The following PLXND1 variants were observed in gnomAD, a reference collection of about 807,000 sequenced individuals.
PLXND1 encodes plexin D1.
PLXND1 carries 54 observed loss-of-function variants against 197.7 expected under a neutral mutation model. The ratio of observed to expected loss-of-function variants is 0.27; its 90% CI spans 0.22 to 0.34. PLXND1 has a LOEUF of 0.34. Among genes scored for constraint, PLXND1 ranks in the 10% least tolerant of loss-of-function variants. The pLI is 1.00. For missense variants in PLXND1, 2,127 were observed against 2,699.2 expected (o/e 0.79, Z 4.70); for synonymous variants, 1,180 against 1,161.2 (o/e 1.02, Z -0.33).
At chr3:129,596,527 G>T (rs935276702) in intron 1 of PLXND1, among the ~76,000 whole-genome samples, 1 of 152,112 alleles carries the variant, frequency 6.6e-6, no homozygotes, top group African/African-American at 2.4e-5. Flanking sequence ...GCTCTTCCCT[G>T]GCCCAGGGAA....
At chr3:129,583,227 A>T (rs1298754104) in intron 8 of PLXND1, among the ~76,000 whole-genome samples, 2 of 152,194 alleles carry the variant, frequency 1.3e-5, no homozygotes, top group Non-Finnish European at 2.9e-5. Context: ...GTGGGGGTAT[A>T]AACTGGCTCA....
chr3:129,576,622 T>G lies in PLXND1; in HGVS notation c.2347-767A>C, dbSNP rs555596826. On this transcript the variant is annotated intron_variant, in intron 9 of 35. Coordinates refer to ENST00000324093, the MANE Select transcript of PLXND1 (RefSeq NM_015103.3). ...ACCCCCAAGGGCAGCAGAAAGCAGC[T>G]GGAAGAGCCCTGGCCTGGGTTCAAA... Among the ~76,000 whole-genome samples the G allele has an allele frequency of 1.6e-4, 24 of 152,270 alleles. No homozygotes were observed. In the South Asian group the frequency reaches 5.0e-3, roughly 32 times the overall value.
intron 9 of PLXND1, among the ~76,000 whole-genome samples, chr3:129,576,780 C>A (rs2085319889): frequency 6.6e-6 from 1 of 152,184 alleles, no homozygotes; most frequent in African/African-American, 2.4e-5. Flanking sequence ...AGGGGCCGCA[C>A]ACGGTAGGGG....
In PLXND1 at chr3:129,606,124, G is replaced by T; in HGVS notation, c.516C>A (p.Pro172=). 1 of 1,510,172 alleles carries T rather than the reference G, an allele frequency of 6.6e-7. No homozygotes were observed. Among genetic ancestry groups the T allele is most frequent in the Non-Finnish European group, 8.8e-7 (1 of 1,136,672 alleles). The allele number at this position is 1,510,172 out of a possible 1,614,324, so 93.5% of individuals were successfully genotyped here. A position where few individuals can be genotyped will look rare whatever the true frequency, so the allele number is the denominator to read the frequency against. The stretch of plus-strand genomic sequence containing the variant: ...TCAGCATGCTGGGGAACACCGTGAC[G>T]GGCTCGGCGGGCGGCGCGGCGGGCG... ...RFPPAAPPAE[P]VTVFPSMLNV... The change falls in exon 1 of 36, where the codon CCC becomes CCA. Residue 172 remains proline, a synonymous_variant. Coordinates refer to ENST00000324093, the MANE Select transcript of PLXND1 (RefSeq NM_015103.3).
At chr3:129,562,597 T>C in intron 27 of PLXND1, 190 bp downstream of exon 27, 1 of 510,326 alleles carries the variant, frequency 2.0e-6, no homozygotes, top group Non-Finnish European at 3.4e-6. Context: ...CTGTTGTCCG[T>C]AGTTCACTCA....
intron 1 of PLXND1, among the ~76,000 whole-genome samples, chr3:129,593,737 C>A (rs73204267): frequency 6.6e-6 from 1 of 152,356 alleles, no homozygotes; most frequent in Non-Finnish European, 1.5e-5. Flanking sequence ...GCCTACTCTG[C>A]GTGTGGCAAC....
At chr3:129,565,265 A>G in intron 25 of PLXND1, 75 bp downstream of exon 25, 1 of 1,274,776 alleles carries the variant, frequency 7.8e-7, no homozygotes, top group South Asian at 1.2e-5. Context: ...AAGGCCTGGG[A>G]GGCCGTGGGG....
In PLXND1 at chr3:129,586,027, A is replaced by C; in HGVS notation, c.1776T>G (p.Ser592Arg). The C allele has an allele frequency of 6.2e-7, 1 of 1,613,938 alleles. No homozygotes were observed. The highest frequency in any genetic ancestry group is 8.5e-7 in the Non-Finnish European group (1 of 1,180,000). Residue 592 changes from serine to arginine, a missense_variant, in exon 5 of 36, where the codon AGT (serine) becomes AGG (arginine). Around this residue, in one of 6 missense-constraint regions of PLXND1, gnomAD observed 1,095 missense variants for 1,259.8 expected, o/e 0.87. Transcript: ENST00000324093. ...TNSSQQHFWT[S>R]ASEGPSRCPA... is the part of the protein sequence containing the mutation. Reference sequence around the variant, plus strand: ...GACAGCGGCTGGGGCCCTCGCTGGCACTGGTCCAGAAATGCTGCTGGCTGG... The same window carrying C: ...GACAGCGGCTGGGGCCCTCGCTGGCCCTGGTCCAGAAATGCTGCTGGCTGG...
At chr3:129,576,088 C>T (rs573943043) in intron 9 of PLXND1, among the ~76,000 whole-genome samples, 31 of 152,348 alleles carry the variant, frequency 2.0e-4, no homozygotes, top group Non-Finnish European at 4.1e-4. Flanking sequence ...CTCATGCGCT[C>T]AGCACCACTA....
chr3:129,604,657 C>T (rs149294897), intron 1 of PLXND1, among the ~76,000 whole-genome samples: 19 of 152,362 alleles, frequency 1.2e-4, no homozygotes, highest in African/African-American at 4.6e-4. Flanking sequence ...AGGCACACAC[C>T]TGTTTGCCAA....
In PLXND1 at chr3:129,606,289, CG is replaced by C; in HGVS notation, c.350del (p.Pro117ArgfsTer21). The C allele has an allele frequency of 1.3e-6, 2 of 1,530,658 alleles. No individual in the cohort carries two copies. The highest frequency in any genetic ancestry group is 1.7e-6 in the Non-Finnish European group (2 of 1,144,540). 94.8% of individuals were successfully genotyped at this position (1,530,658 alleles called of 1,614,324 possible). On this transcript the variant is annotated frameshift_variant, in exon 1 of 36. Coordinates refer to ENST00000324093, the MANE Select transcript of PLXND1 (RefSeq NM_015103.3). LOFTEE classifies it high-confidence loss of function. ...TGTTGTAGTTGTCCGTGAGGCGCCGCGGGTGCTCGCACGAGGCCTGCGGCAG... is the reference window on the plus strand; with the variant it reads ...TGTTGTAGTTGTCCGTGAGGCGCCGCGGTGCTCGCACGAGGCCTGCGGCAG... ...PQLPQASCEH[P>X]RRLTDNYNKI...
rs919752221 is a variant in PLXND1 at position 129,577,292 on chromosome 3, G to A, written c.2346+1037C>T. 5.3e-5 allele frequency among the ~76,000 whole-genome samples: 8 copies of A among 152,280 alleles called. No individual in the cohort carries two copies. In the East Asian group the frequency reaches 5.8e-4, roughly 11 times the overall value. On this transcript the variant is annotated intron_variant, in intron 9 of 35. Transcript: ENST00000324093. The surrounding 1 kb of genome is among the most constrained non-coding windows in gnomAD (Gnocchi z 5.0). ...AGGAGGGCAGGCGCCCCTGCAGCTCGGTCAGAGTGGAGGCTGCCCCACCAC... is the reference window on the plus strand; with the variant it reads ...AGGAGGGCAGGCGCCCCTGCAGCTCAGTCAGAGTGGAGGCTGCCCCACCAC...
intron 1 of PLXND1, among the ~76,000 whole-genome samples, chr3:129,602,334 G>A (rs953295014): frequency 2.0e-5 from 3 of 152,112 alleles, no homozygotes; most frequent in African/African-American, 7.2e-5. Flanking sequence ...GCCTGGCCAC[G>A]CAGACCCCCT....
At chr3:129,559,853 G>T in intron 31 of PLXND1, 70 bp from the exon 32 acceptor site, 1 of 1,288,798 alleles carries the variant, frequency 7.8e-7, no homozygotes, top group Non-Finnish European at 1.0e-6. Flanking sequence ...ACCCTTGGTG[G>T]CTCTGCGGAG....
At chr3:129,603,024 C>T (rs1168768581) in intron 1 of PLXND1, among the ~76,000 whole-genome samples, 1 of 152,192 alleles carries the variant, frequency 6.6e-6, no homozygotes, top group African/African-American at 2.4e-5. Flanking sequence ...CTGGCAACAG[C>T]CTGGAGCAAG....
chr3:129,602,333 C>T (rs182868730), intron 1 of PLXND1, among the ~76,000 whole-genome samples: 4 of 152,322 alleles, frequency 2.6e-5, no homozygotes, highest in Admixed American at 6.5e-5. Context: ...CGCCTGGCCA[C>T]GCAGACCCCC....
At chr3:129,589,313 C>CCCCCCCCCCCCCCCCCCCCACCCCCCCCA in intron 2 of PLXND1, 38 bp downstream of exon 2, 2 of 592,308 alleles carry the variant, frequency 3.4e-6, no homozygotes, top group Admixed American at 2.9e-5. Flanking sequence ...GGGAGCCTCC[C>CCCCCCCCCCCCCCCCCCCCACCCCCCCCA]ACCCCCACCC....
chr3:129,572,057 A>G (rs1318136548), intron 15 of PLXND1, among the ~76,000 whole-genome samples: 3 of 152,024 alleles, frequency 2.0e-5, no homozygotes, highest in Non-Finnish European at 4.4e-5. Context: ...AAGCCTTCCC[A>G]GGTCTTCTCT....
rs745457679 is a variant in PLXND1 at position 129,586,646 on chromosome 3, T to A, written c.1562A>T (p.His521Leu). Reference protein sequence around the residue: ...VTVAYGEPVHHVMQFDPADSG... With the variant: ...VTVAYGEPVHLVMQFDPADSG... ...GTCTGCTGGGTCAAACTGCATGACA[T>A]GGTGCACGGGCTCCCCATAGGCCAC... The change falls in exon 3 of 36, where the codon CAT (histidine) becomes CTT (leucine). Residue 521 changes from histidine (H) to leucine (L), a missense_variant. Physicochemically the swap from His to Leu is moderately conservative, Grantham distance 99. Around this residue, in one of 6 missense-constraint regions of PLXND1, gnomAD observed 1,095 missense variants for 1,259.8 expected, o/e 0.87. Transcript: ENST00000324093. 6.3e-7 allele frequency: 1 copy of A among 1,582,980 alleles called. No homozygotes were observed. Among genetic ancestry groups the A allele is most frequent in the Non-Finnish European group, 8.6e-7 (1 of 1,163,994 alleles).
Sources: gnomAD v4.1 joint callset for allele counts (sites outside exome capture counted in the v4.1 genomes callset) on GRCh38, gnomAD v4.1.1 for gene constraint, gnomAD v4.1.1 regional missense constraint, Gnocchi (gnomAD v3.1) non-coding constraint, MANE v1.5 for transcripts, NCBI Gene and HGNC (gene_info 2026-07-23, HGNC 2026-07-21) for gene names.